PDE3B: variants seen among roughly 807,000 people sequenced by gnomAD.
PDE3B encodes phosphodiesterase 3B, also known as cGMP-inhibited 3',5'-cyclic phosphodiesterase 3B.
PDE3B carries 66 observed loss-of-function variants against 116.8 expected under a neutral mutation model. That is an observed-to-expected ratio of 0.56 (90% CI 0.46 to 0.69). PDE3B has a LOEUF of 0.69. Among genes scored for constraint, PDE3B ranks in the 30% least tolerant of loss-of-function variants. The probability of loss-of-function intolerance (pLI) is 0.00; values close to 1 mark genes in which losing one functional copy is unlikely to be tolerated. For missense variants in PDE3B, 1,384 were observed against 1,368.1 expected (o/e 1.01, Z -0.18); for synonymous variants, 595 against 533.6 (o/e 1.12, Z -1.59).
chr11:14,898,221 G>A, the PDE3B span, among the ~76,000 whole-genome samples: 6 of 151,990 alleles, frequency 3.9e-5, no homozygotes, highest in African/African-American at 7.3e-5. Context: ...TTTTGTCTAC[G>A]GAAACACATG....
downstream of PDE3B, among the ~76,000 whole-genome samples, chr11:14,875,350 C>T (rs1689575282): frequency 6.6e-6 from 1 of 152,170 alleles, no homozygotes; most frequent in Non-Finnish European, 1.5e-5. Flanking sequence ...GATCCACTAA[C>T]ATTGCCCTCA....
downstream of PDE3B, chr11:14,872,175 A>G (rs1185365022): frequency 6.6e-6 from 1 of 152,132 alleles, no homozygotes; most frequent in Middle Eastern, 3.2e-3. Context: ...AATTCTCTGT[A>G]TCTAGATTGC....
At chr11:14,868,712 C>A (rs1409994784) in intron 15 of PDE3B, among the ~76,000 whole-genome samples, 1 of 152,140 alleles carries the variant, frequency 6.6e-6, no homozygotes, top group East Asian at 1.9e-4. Context: ...CTACAAAGAA[C>A]CTCCCACTGC....
At chr11:14,815,995 T>A (rs918716023) in intron 5 of PDE3B, among the ~76,000 whole-genome samples, 1 of 151,786 alleles carries the variant, frequency 6.6e-6, no homozygotes, top group Non-Finnish European at 1.5e-5. Context: ...AGAAAGTTTG[T>A]TTTAAGGGAT....
chr11:14,754,230 G>C (rs911356491), intron 1 of PDE3B, among the ~76,000 whole-genome samples: 1 of 151,786 alleles, frequency 6.6e-6, no homozygotes, highest in Non-Finnish European at 1.5e-5. Flanking sequence ...TTAAATAATT[G>C]GGTAATTTAA....
chr11:14,755,095 G>T (rs1387594186), intron 1 of PDE3B, among the ~76,000 whole-genome samples: 1 of 152,078 alleles, frequency 6.6e-6, no homozygotes, highest in African/African-American at 2.4e-5. Flanking sequence ...AAGTTACAAG[G>T]AATAACAGTT....
Position 14,803,957 on chromosome 11 carries a change from C to G in PDE3B, c.1429C>G (p.Leu477Val). The change falls in exon 5 of 16, where the codon CTA (leucine) becomes GTA (valine). Residue 477 changes from leucine to valine, a missense_variant. Physicochemically the swap from Leu to Val is conservative, Grantham distance 32 (BLOSUM62 1). This residue lies in a region of PDE3B where 956 missense variants were observed against 806.8 expected (regional missense o/e 1.18). Coordinates refer to ENST00000282096, the MANE Select transcript of PDE3B (RefSeq NM_000922.4). ...TTTCCCTTTTAGTCAAGGATGCTAT[C>G]TAAATGGGCCTTTTAATTCAAATCT... is the stretch of plus-strand genomic sequence containing the variant. Reference protein sequence around the residue: ...EFGISSQGCYLNGPFNSNLLT... With the variant: ...EFGISSQGCYVNGPFNSNLLT... 6.3e-7 allele frequency: 1 copy of G among 1,599,222 alleles called. No homozygotes were observed. The highest frequency in any genetic ancestry group is 8.6e-7 in the Non-Finnish European group (1 of 1,166,648).
chr11:14,710,043 TAGTC>T (rs1855656276), intron 1 of PDE3B, among the ~76,000 whole-genome samples: 1 of 152,222 alleles, frequency 6.6e-6, no homozygotes, highest in Non-Finnish European at 1.5e-5. Flanking sequence ...CATAAAGTCA[TAGTC>T]AGTTTTTGGT....
At chr11:14,858,030 C>T (rs1360219926) in intron 12 of PDE3B, among the ~76,000 whole-genome samples, 1 of 152,126 alleles carries the variant, frequency 6.6e-6, no homozygotes, top group Admixed American at 6.5e-5. Flanking sequence ...TAAATCATAC[C>T]ATTGCTTTTA....
chr11:14,858,085 T>C (rs939265935), intron 12 of PDE3B, among the ~76,000 whole-genome samples: 11 of 152,244 alleles, frequency 7.2e-5, no homozygotes, highest in African/African-American at 2.7e-4. Context: ...GTTATGCATC[T>C]GTGCTTAAAT....
intron 7 of PDE3B, among the ~76,000 whole-genome samples, chr11:14,830,045 T>C (rs367857720): frequency 2.6e-5 from 4 of 152,164 alleles, no homozygotes; most frequent in African/African-American, 9.6e-5. Context: ...GTACCATCCA[T>C]ATTGTAGTTC....
chr11:14,861,179 A>T, intron 13 of PDE3B, 26 bp from the exon 14 acceptor site: 1 of 1,583,900 alleles, frequency 6.3e-7, no homozygotes, highest in South Asian at 1.1e-5. Flanking sequence ...TTCAGAACCT[A>T]AAATGATGTT....
At chr11:14,727,383 A>C (rs1359757959) in intron 1 of PDE3B, among the ~76,000 whole-genome samples, 1 of 152,124 alleles carries the variant, frequency 6.6e-6, no homozygotes, top group Admixed American at 6.5e-5. Flanking sequence ...GGATCTAAGG[A>C]TCTGAGGTTC....
At position 14,859,220 on chromosome 11, in the gene PDE3B, G is replaced by T. The variant is rs1364389630; in HGVS notation, c.2698G>T (p.Asp900Tyr). 1.9e-6 allele frequency: 3 copies of T among 1,610,792 alleles called. No homozygotes were observed. The highest frequency in any genetic ancestry group is 2.2e-5 in the East Asian group (1 of 44,758). The change falls in exon 13 of 16, where the codon GAT becomes TAT. Residue 900 changes from aspartate (D) to tyrosine (Y), a missense_variant. Transcript: ENST00000282096. ...TGCTACGGATCTTAAAAAGCATTTT[G>T]ATTTTCTCGCAGAATTCAATGCCAA... is the stretch of plus-strand genomic sequence containing the variant. ...ILATDLKKHFDFLAEFNAKAN... is the reference protein window; with the variant it reads ...ILATDLKKHFYFLAEFNAKAN...
intron 4 of PDE3B, among the ~76,000 whole-genome samples, chr11:14,796,617 C>T (rs554669406): frequency 2.0e-5 from 3 of 152,306 alleles, no homozygotes; most frequent in East Asian, 1.9e-4. Context: ...CTGTAAGGAC[C>T]AGTGATAATG....
At chr11:14,756,929 T>A (rs549203618) in intron 1 of PDE3B, among the ~76,000 whole-genome samples, 38 of 148,816 alleles carry the variant, frequency 2.6e-4, no homozygotes, top group African/African-American at 5.2e-4. Flanking sequence ...ATTAGGTATA[T>A]CTCCCAATGC....
rs1020617281 is a variant in PDE3B at position 14,732,445 on chromosome 11, A to G, written c.979-39492A>G. On this transcript the variant is annotated intron_variant, in intron 1 of 15. Transcript: ENST00000282096. Reference sequence around the variant, plus strand: ...AGAACCGTGGCTTTAGACTAGTTCAATATGAAGAACAGATTAAATGTACTC... The same window carrying G: ...AGAACCGTGGCTTTAGACTAGTTCAGTATGAAGAACAGATTAAATGTACTC... 2.6e-5 allele frequency among the ~76,000 whole-genome samples: 4 copies of G among 152,210 alleles called. No individual in the cohort carries two copies. The East Asian group carries it at 5.8e-4, about 22-fold the overall frequency.
the PDE3B span, among the ~76,000 whole-genome samples, chr11:14,882,072 C>T: frequency 1.3e-5 from 2 of 152,084 alleles, no homozygotes; most frequent in South Asian, 2.1e-4. Context: ...AGCAATCTTA[C>T]ATTCCCATAG....
chr11:14,832,128 A>G (rs1367313904), intron 9 of PDE3B, among the ~76,000 whole-genome samples: 16 of 152,102 alleles, frequency 1.1e-4, no homozygotes, highest in Admixed American at 9.2e-4. Flanking sequence ...TGCACTCCCT[A>G]TACTTTACCC....
Sources: allele counts gnomAD v4.1 joint callset (sites outside exome capture counted in the v4.1 genomes callset), GRCh38; gene constraint gnomAD v4.1.1; regional missense constraint gnomAD v4.1.1; transcripts MANE v1.5; gene names NCBI Gene and HGNC (gene_info 2026-07-23, HGNC 2026-07-21).